The following RNF43 variants were observed in gnomAD, a reference collection of about 807,000 sequenced individuals.
RNF43 encodes ring finger protein 43.
A neutral mutation model predicts 78.4 loss-of-function variants in RNF43; 37 were observed. The observed-to-expected ratio is 0.47, with a 90% CI of 0.36 to 0.62. The LOEUF (loss-of-function observed/expected upper bound fraction) is 0.62, where lower values mean the gene tolerates loss of function less well. Ranked by LOEUF, RNF43 falls within the 20% of genes least tolerant of loss-of-function variation. The probability of loss-of-function intolerance (pLI) is 0.00; values close to 1 mark genes in which losing one functional copy is unlikely to be tolerated. For missense variants in RNF43, 774 were observed against 1,007.9 expected (o/e 0.77, Z 3.14); for synonymous variants, 347 against 395.0 (o/e 0.88, Z 1.44).
At chr17:58,368,484 T>A (rs1358298083) in intron 3 of RNF43, among the ~76,000 whole-genome samples, 3 of 151,586 alleles carry the variant, frequency 2.0e-5, no homozygotes, top group African/African-American at 7.3e-5. Flanking sequence ...GAGGCGGAGG[T>A]TGCAGTGAGC....
At chr17:58,391,642 C>T (rs935522450) in intron 2 of RNF43, among the ~76,000 whole-genome samples, 5 of 152,174 alleles carry the variant, frequency 3.3e-5, no homozygotes, top group East Asian at 1.9e-4. Flanking sequence ...GCTGAGTTAA[C>T]GATTACAGGC....
At chr17:58,405,234 T>C (rs1472548722) in intron 2 of RNF43, among the ~76,000 whole-genome samples, 1 of 151,730 alleles carries the variant, frequency 6.6e-6, no homozygotes, top group Non-Finnish European at 1.5e-5. Flanking sequence ...CATGCCGCCA[T>C]GCCCAGTTAA....
intron 2 of RNF43, chr17:58,402,691 T>C (rs577644978): frequency 6.6e-6 from 1 of 152,324 alleles, no homozygotes; most frequent in African/African-American, 2.4e-5. Flanking sequence ...AAATGATAAA[T>C]TGTCTATTCA....
rs1972743360 is a variant in RNF43, at chr17:58,358,257, G to T, written c.1519C>A (p.Pro507Thr). The T allele has an allele frequency of 6.2e-7, 1 of 1,613,898 alleles. No homozygotes were observed. The highest frequency in any genetic ancestry group is 1.3e-5 in the African/African-American group (1 of 74,882). Reference protein sequence around the residue: ...FCSSLSSDFDPLVYCSPKGDP... With the variant: ...FCSSLSSDFDTLVYCSPKGDP... Reference sequence around the variant, plus strand: ...CCTTTAGGGCTGCAGTACACTAGGGGGTCAAAGTCACTGCTTAGGGAGCTG... The same window carrying T: ...CCTTTAGGGCTGCAGTACACTAGGGTGTCAAAGTCACTGCTTAGGGAGCTG... Residue 507 changes from proline to threonine, a missense_variant, in exon 9 of 10, where the codon CCC (proline) becomes ACC (threonine). Physicochemically the swap from Pro to Thr is conservative, Grantham distance 38. Transcript: ENST00000407977. The surrounding 1 kb of genome is among the most constrained non-coding windows in gnomAD (Gnocchi z 6.2).
rs1188820435 is a variant in RNF43, at chr17:58,358,753, G to A, written c.1023C>T (p.Leu341=). 1.3e-6 allele frequency: 2 copies of A among 1,561,912 alleles called. No homozygotes were observed. Among genetic ancestry groups the A allele is most frequent in the East Asian group, 4.7e-5 (2 of 42,234 alleles). Reference sequence around the variant, plus strand: ...GGGCATGGCCGGGATGCTGGCGAATGAGGTGGAGTCTTCGACCTGGTTCTT... The same window carrying A: ...GGGCATGGCCGGGATGCTGGCGAATAAGGTGGAGTCTTCGACCTGGTTCTT... ...SYQEPGRRLH[L]IRQHPGHAHY... The change falls in exon 9 of 10, where the codon CTC becomes CTT. Residue 341 remains leucine (L), a synonymous_variant. Coordinates refer to ENST00000407977, the MANE Select transcript of RNF43 (RefSeq NM_017763.6). This position sits in a 1 kb window ranked among gnomAD's most constrained non-coding sequence, Gnocchi z 6.2.
At chr17:58,378,762 A>C (rs1973256899) in intron 2 of RNF43, among the ~76,000 whole-genome samples, 1 of 152,132 alleles carries the variant, frequency 6.6e-6, no homozygotes. Context: ...GGTGAGCGAA[A>C]GAGCTGACAA....
chr17:58,406,401 A>G (rs1398739987), intron 2 of RNF43, among the ~76,000 whole-genome samples: 1 of 152,254 alleles, frequency 6.6e-6, no homozygotes, highest in African/African-American at 2.4e-5. Flanking sequence ...CATATATAAA[A>G]TGAGAAGACT....
chr17:58,411,502 G>A (rs906876653), intron 2 of RNF43, among the ~76,000 whole-genome samples: 4 of 151,988 alleles, frequency 2.6e-5, no homozygotes, highest in Non-Finnish European at 4.4e-5. Context: ...TGTGCAAAGG[G>A]GAATTTCTCC....
At chr17:58,363,205 T>C (rs2143464979) in intron 5 of RNF43, 70 bp downstream of exon 5, 1 of 1,579,180 alleles carries the variant, frequency 6.3e-7, no homozygotes, top group Non-Finnish European at 8.6e-7. Flanking sequence ...CTAAGGGCTT[T>C]TGGTGGGAGT....
At chr17:58,352,919 C>G, downstream of RNF43, 1 of 213,758 alleles carries the variant, frequency 4.7e-6, no homozygotes, top group East Asian at 6.9e-5. Flanking sequence ...ATGCCTTGTT[C>G]TATAGGCACT....
chr17:58,367,203 G>A (rs1282016426), intron 3 of RNF43, among the ~76,000 whole-genome samples: 1 of 152,048 alleles, frequency 6.6e-6, no homozygotes, highest in Non-Finnish European at 1.5e-5. Context: ...GTTTCACCAT[G>A]TTGGCCAGGC....
At chr17:58,391,353 A>AT (rs1364532872) in intron 2 of RNF43, among the ~76,000 whole-genome samples, 1 of 152,070 alleles carries the variant, frequency 6.6e-6, no homozygotes, top group Non-Finnish European at 1.5e-5. Flanking sequence ...CGCCCAACAC[A>AT]TTTTTTTCCT....
chr17:58,356,139 A>G (rs1413177756), intron 9 of RNF43, among the ~76,000 whole-genome samples: 1 of 152,220 alleles, frequency 6.6e-6, no homozygotes, highest in Non-Finnish European at 1.5e-5. Flanking sequence ...CTCTCTCCCC[A>G]TGGACCTGGA....
intron 8 of RNF43, among the ~76,000 whole-genome samples, 181 bp downstream of exon 8, chr17:58,359,967 TA>T (rs1191379200): frequency 1.3e-5 from 2 of 152,094 alleles, no homozygotes; most frequent in Admixed American, 1.3e-4. Context: ...TAAATAAAGA[TA>T]TTTACATTTT....
At position 58,357,490 on chromosome 17, in the gene RNF43, G is replaced by C. The variant is rs564215300; in HGVS notation, c.2286C>G (p.Cys762Trp). 1.4e-5 allele frequency: 22 copies of C among 1,614,220 alleles called. No individual in the cohort carries two copies. The highest frequency in any genetic ancestry group is 1.7e-5 in the Non-Finnish European group (20 of 1,180,034). The change falls in exon 9 of 10, where the codon TGC (cysteine) becomes TGG (tryptophan). Residue 762 changes from cysteine (C) to tryptophan (W), a missense_variant. By Grantham distance (215) the Cys-to-Trp change is radical. Coordinates refer to ENST00000407977, the MANE Select transcript of RNF43 (RefSeq NM_017763.6). The surrounding 1 kb of genome is among the most constrained non-coding windows in gnomAD (Gnocchi z 4.5). ...AEGRPCPYPH[C>W]QVLSAQPGSE... ...CACCAGGCTGGGCCGACAGCACCTGGCAGTGCGGATAAGGGCATGGCCTGC... is the reference window on the plus strand; with the variant it reads ...CACCAGGCTGGGCCGACAGCACCTGCCAGTGCGGATAAGGGCATGGCCTGC...
intron 2 of RNF43, among the ~76,000 whole-genome samples, chr17:58,397,129 G>A (rs1044503772): frequency 6.6e-6 from 1 of 151,866 alleles, no homozygotes; most frequent in Non-Finnish European, 1.5e-5. Flanking sequence ...AAACCTAGAG[G>A]GGGAAAAATA....
At position 58,357,581 on chromosome 17, in the gene RNF43, C is replaced by T. The variant is rs772096609; in HGVS notation, c.2195G>A (p.Arg732His). 10 of 1,614,072 alleles carry T rather than the reference C, an allele frequency of 6.2e-6. No individual in the cohort carries two copies. The highest frequency in any genetic ancestry group is 2.7e-5 in the African/African-American group (2 of 74,924). ...SQPVWLCLTPRQPLEPHPPGE... is the reference protein window; with the variant it reads ...SQPVWLCLTPHQPLEPHPPGE... ...AGGTGGATGTGGTTCCAGGGGCTGG[C>T]GAGGAGTCAGGCACAACCACACTGG... Residue 732 changes from arginine to histidine, a missense_variant, in exon 9 of 10, where the codon CGC (arginine) becomes CAC (histidine). Transcript: ENST00000407977. The surrounding 1 kb of genome is among the most constrained non-coding windows in gnomAD (Gnocchi z 4.5).
chr17:58,357,973 G>T lies in RNF43; in HGVS notation c.1803C>A (p.Ser601=), dbSNP rs766086514. Residue 601 remains serine (S), a synonymous_variant, in exon 9 of 10, where the codon TCC becomes TCA. Coordinates refer to ENST00000407977, the MANE Select transcript of RNF43 (RefSeq NM_017763.6). This position sits in a 1 kb window ranked among gnomAD's most constrained non-coding sequence, Gnocchi z 4.5. ...PPSPDQQVTR[S]NSAAPSGRLS... ...GCCGCCCCGAAGGGGCTGCTGAGTT[G>T]GATCTGGTGACTTGCTGATCAGGAG... The T allele has an allele frequency of 5.0e-6, 8 of 1,609,838 alleles. No homozygotes were observed. The highest frequency in any genetic ancestry group is 1.1e-5 in the South Asian group (1 of 90,466).
rs746854614 is a variant in RNF43, at chr17:58,357,774, G to A, written c.2002C>T (p.Arg668Trp). The change falls in exon 9 of 10, where the codon CGG becomes TGG. Residue 668 changes from arginine (R) to tryptophan (W), a missense_variant. Transcript: ENST00000407977. This position sits in a 1 kb window ranked among gnomAD's most constrained non-coding sequence, Gnocchi z 4.5. The stretch of plus-strand genomic sequence containing the variant: ...GGGTGCACAGTTGCATCCTGGGGCC[G>A]AGAGCCAGGGGTGGGCTCGGAGGGA... ...GGPSEPTPGS[R>W]PQDATVHPAC... The A allele has an allele frequency of 1.5e-5, 25 of 1,613,554 alleles. No individual in the cohort carries two copies. Among genetic ancestry groups the A allele is most frequent in the African/African-American group, 6.7e-5 (5 of 74,926 alleles).
Sources: gnomAD v4.1 joint callset for allele counts (sites outside exome capture counted in the v4.1 genomes callset) on GRCh38, gnomAD v4.1.1 for gene constraint, Gnocchi (gnomAD v3.1) non-coding constraint, MANE v1.5 for transcripts, NCBI Gene and HGNC (gene_info 2026-07-23, HGNC 2026-07-21) for gene names.